LIPI: variants seen among roughly 807,000 people sequenced by gnomAD.
LIPI encodes the protein lipase member I.
In LIPI, 59 loss-of-function variants were observed where a neutral mutation model predicts 50.6. The ratio of observed to expected loss-of-function variants is 1.16; its 90% CI spans 0.94 to 1.45. LIPI has a LOEUF of 1.45. Ranked by LOEUF, LIPI falls within the 40% of genes most tolerant of loss-of-function variation. The pLI, the probability that LIPI is intolerant of heterozygous loss-of-function variation, is 0.00. For missense variants in LIPI, 586 were observed against 536.3 expected (o/e 1.09, Z -0.92); for synonymous variants, 203 against 178.2 (o/e 1.14, Z -1.11).
rs150539432 is a variant in LIPI, at chr21:14,184,993, T to C, written c.541+968A>G. On this transcript the variant is annotated intron_variant, in intron 3 of 9. Coordinates refer to ENST00000681601, the MANE Select transcript of LIPI (RefSeq NM_001302998.2). ...CTTAACTAAGGACACTATTTTCTTT[T>C]ATCAACACTTAAAGTTATTATAAGT... is the stretch of plus-strand genomic sequence containing the variant. 4.1e-4 allele frequency among the ~76,000 whole-genome samples: 62 copies of C among 152,330 alleles called. 1 individual carries two copies. The East Asian group carries it at 0.011, about 27-fold the overall frequency.
At chr21:14,145,751 T>C (rs1046670353) in intron 8 of LIPI, among the ~76,000 whole-genome samples, 4 of 152,176 alleles carry the variant, frequency 2.6e-5, no homozygotes, top group African/African-American at 9.7e-5. Flanking sequence ...AAGTTTCTCT[T>C]TTGAGCCAAC....
intron 9 of LIPI, among the ~76,000 whole-genome samples, chr21:14,134,630 T>G (rs1781661614): frequency 6.6e-6 from 1 of 151,944 alleles, no homozygotes. Context: ...AACACAGTAA[T>G]AAAGCCATAC....
chr21:14,172,020 GA>G (rs2018928661), intron 4 of LIPI, among the ~76,000 whole-genome samples: 1 of 151,562 alleles, frequency 6.6e-6, no homozygotes, highest in African/African-American at 2.4e-5. Flanking sequence ...AAATTTACAA[GA>G]AAAAAACAAA....
Position 14,189,417 on chromosome 21 carries a change from TATC to T in LIPI, c.47-1_48del, listed in dbSNP as rs1451790566. 4 of 1,611,948 alleles carry T rather than the reference TATC, an allele frequency of 2.5e-6. No individual in the cohort carries two copies. The highest frequency in any genetic ancestry group is 3.4e-6 in the Non-Finnish European group (4 of 1,178,430). ...GAGAATTCAAGGCATGGTCTTTTAT[TATC>T]TGAAATAAGAAAATGTCAGTCAAGC... On this transcript the variant is annotated splice_acceptor_variant and coding_sequence_variant, in exon 2 of 10. Coordinates refer to ENST00000681601, the MANE Select transcript of LIPI (RefSeq NM_001302998.2). LOFTEE classifies it high-confidence loss of function.
In LIPI at chr21:14,191,527, T is replaced by A. The variant is rs534683742; in HGVS notation, c.47-2108A>T. Reference sequence around the variant, plus strand: ...GCAAAAAATAAAAATAAACTTTTTTTAAAAAGTAACAAGATATTTAAAGGA... The same window carrying A: ...GCAAAAAATAAAAATAAACTTTTTTAAAAAAGTAACAAGATATTTAAAGGA... On this transcript the variant is annotated intron_variant, in intron 1 of 9. Transcript: ENST00000681601. Among the ~76,000 whole-genome samples, 912 of 145,298 alleles carry A rather than the reference T, an allele frequency of 6.3e-3. 8 individuals are homozygous for A. Among genetic ancestry groups the A allele is most frequent in the Middle Eastern group, 0.033 (9 of 272 alleles).
chr21:14,125,906 A>G (rs2017045513), intron 9 of LIPI, among the ~76,000 whole-genome samples: 1 of 152,150 alleles, frequency 6.6e-6, no homozygotes, highest in East Asian at 1.9e-4. Context: ...AAATTAAAAG[A>G]TGTAAATATC....
At chr21:14,195,057 C>G (rs2019798726) in intron 1 of LIPI, among the ~76,000 whole-genome samples, 1 of 152,020 alleles carries the variant, frequency 6.6e-6, no homozygotes, top group Non-Finnish European at 1.5e-5. Context: ...AGGCCATTTC[C>G]AGACTGCTGT....
At chr21:14,148,851 G>A (rs746715760) in intron 8 of LIPI, among the ~76,000 whole-genome samples, 5 of 152,154 alleles carry the variant, frequency 3.3e-5, no homozygotes, top group Non-Finnish European at 7.3e-5. Context: ...CAACACATGC[G>A]TATATGTTCC....
chr21:14,179,048 A>G (rs2019184140), intron 4 of LIPI, among the ~76,000 whole-genome samples: 1 of 152,124 alleles, frequency 6.6e-6, no homozygotes, highest in African/African-American at 2.4e-5. Context: ...GGAGTTCCAG[A>G]CAAGAATAAC....
At chr21:14,127,532 G>T (rs1439335282) in intron 9 of LIPI, among the ~76,000 whole-genome samples, 1 of 152,204 alleles carries the variant, frequency 6.6e-6, no homozygotes, top group African/African-American at 2.4e-5. Context: ...AGTTAAAATT[G>T]CATACTTGTT....
chr21:14,163,936 T>C lies in LIPI; in HGVS notation c.902-413A>G, dbSNP rs561279112. 1.3e-3 allele frequency among the ~76,000 whole-genome samples: 190 copies of C among 151,426 alleles called. 1 individual carries two copies. The highest frequency in any genetic ancestry group is 2.2e-3 in the Non-Finnish European group (152 of 67,780). ...CTCCCTAATTCTCCAATACGTATAA[T>C]ACATACAGATATGGCATGCATGTGT... On this transcript the variant is annotated intron_variant, in intron 6 of 9. Coordinates refer to ENST00000681601, the MANE Select transcript of LIPI (RefSeq NM_001302998.2).
At chr21:14,123,971 C>G (rs781669675) in intron 9 of LIPI, among the ~76,000 whole-genome samples, 1 of 152,124 alleles carries the variant, frequency 6.6e-6, no homozygotes, top group Admixed American at 6.5e-5. Flanking sequence ...TGCCAGAATG[C>G]GGAGGTTGGC....
At chr21:14,167,548 G>A (rs887111753) in intron 4 of LIPI, among the ~76,000 whole-genome samples, 11 of 152,122 alleles carry the variant, frequency 7.2e-5, no homozygotes, top group South Asian at 2.1e-4. Context: ...AGCAGCATTC[G>A]CAGTTCACGA....
intron 1 of LIPI, among the ~76,000 whole-genome samples, chr21:14,194,671 AT>A (rs1308348854): frequency 4.6e-5 from 7 of 152,176 alleles, no homozygotes; most frequent in African/African-American, 1.7e-4. Flanking sequence ...GTTATATTTA[AT>A]AGATATAGAG....
At chr21:14,109,522 C>G (rs1031028840) in intron 9 of LIPI, among the ~76,000 whole-genome samples, 3 of 151,956 alleles carry the variant, frequency 2.0e-5, no homozygotes, top group African/African-American at 7.2e-5. Flanking sequence ...ATAATAAATC[C>G]TAAAGTATTC....
chr21:14,167,787 A>G (rs186940015), intron 4 of LIPI, among the ~76,000 whole-genome samples: 1 of 152,242 alleles, frequency 6.6e-6, no homozygotes, highest in African/African-American at 2.4e-5. Context: ...GAAAAACTGG[A>G]AACTCTAAAA....
intron 3 of LIPI, among the ~76,000 whole-genome samples, chr21:14,182,340 A>G (rs1042126546): frequency 6.6e-6 from 1 of 152,112 alleles, no homozygotes; most frequent in Non-Finnish European, 1.5e-5. Context: ...TTCTCGTAAG[A>G]CTTTCTCACA....
chr21:14,178,099 T>G (rs750659278), intron 4 of LIPI, among the ~76,000 whole-genome samples: 2 of 152,114 alleles, frequency 1.3e-5, no homozygotes, highest in Non-Finnish European at 2.9e-5. Flanking sequence ...TTCACCTTAT[T>G]TAAATAAACT....
At chr21:14,208,556 T>A (rs2020284135) in intron 1 of LIPI, among the ~76,000 whole-genome samples, 1 of 152,228 alleles carries the variant, frequency 6.6e-6, no homozygotes, top group African/African-American at 2.4e-5. Flanking sequence ...ATCAAAATTA[T>A]AATATTTGGT....
Sources: gnomAD v4.1 joint callset for allele counts (sites outside exome capture counted in the v4.1 genomes callset) on GRCh38, gnomAD v4.1.1 for gene constraint, MANE v1.5 for transcripts, NCBI Gene and HGNC (gene_info 2026-07-23, HGNC 2026-07-21) for gene names.